MFN2: variants seen among roughly 807,000 people sequenced by gnomAD.
MFN2 encodes mitofusin 2, also known as mitofusin-2.
In MFN2, 43 loss-of-function variants were observed where a neutral mutation model predicts 87.5. The observed-to-expected ratio is 0.49, with a 90% CI of 0.38 to 0.63. The LOEUF is 0.63. MFN2 is among the 30% of genes least tolerant of loss of function. The pLI is 0.00. For missense variants in MFN2, 743 were observed against 972.8 expected (o/e 0.76, Z 3.14); for synonymous variants, 337 against 359.9 (o/e 0.94, Z 0.72).
Position 12,004,734 on chromosome 1 carries a change from T to A in MFN2, c.1393-91T>A, listed in dbSNP as rs1328661128. 2.0e-6 allele frequency: 3 copies of A among 1,503,478 alleles called. No individual in the cohort carries two copies. In the African/African-American group the frequency reaches 4.1e-5, roughly 21 times the overall value. The allele number at this position is 1,503,478 out of a possible 1,614,324, so 93.1% of individuals were successfully genotyped here. A position where few individuals can be genotyped will look rare whatever the true frequency, so the allele number is the denominator to read the frequency against. On this transcript the variant is annotated intron_variant, in intron 13 of 18. Transcript: ENST00000235329. The surrounding 1 kb of genome is among the most constrained non-coding windows in gnomAD (Gnocchi z 4.2). ...GAAGCCACAGAGACAAGGCCCAGGCTTCCGTCAGCCTTCTGGGGTCACCTG... is the reference window on the plus strand; with the variant it reads ...GAAGCCACAGAGACAAGGCCCAGGCATCCGTCAGCCTTCTGGGGTCACCTG...
At chr1:12,011,068 C>T (rs1386914584) in intron 18 of MFN2, among the ~76,000 whole-genome samples, 1 of 152,150 alleles carries the variant, frequency 6.6e-6, no homozygotes, top group East Asian at 1.9e-4. Context: ...TTCCTAGGGA[C>T]ACACTGCTTG....
chr1:11,993,457 C>T (rs902983041), intron 4 of MFN2, among the ~76,000 whole-genome samples: 22 of 152,092 alleles, frequency 1.4e-4, no homozygotes, highest in East Asian at 5.8e-4. Flanking sequence ...AAAAATATGC[C>T]GGGCATGGTG....
chr1:11,990,695 C>T (rs1638638305), intron 3 of MFN2, among the ~76,000 whole-genome samples: 1 of 152,212 alleles, frequency 6.6e-6, no homozygotes, highest in African/African-American at 2.4e-5. Flanking sequence ...CCTGCCTGGG[C>T]ACTGTTTCTA....
At chr1:12,007,310 CCTTCCCCATCTCT>C in intron 17 of MFN2, 61 bp downstream of exon 17, 3 of 1,570,048 alleles carry the variant, frequency 1.9e-6, no homozygotes, top group Non-Finnish European at 2.6e-6. Context: ...GCCCCATCTC[CCTTCCCCATCTCT>C]CTTCCCACGT....
chr1:11,982,654 T>C (rs931336263), intron 2 of MFN2: 1 of 152,194 alleles, frequency 6.6e-6, no homozygotes, highest in Admixed American at 6.5e-5. Context: ...CAGTGAATTT[T>C]GCTACTGCTG....
At chr1:11,984,018 A>G (rs1174561768) in intron 2 of MFN2, among the ~76,000 whole-genome samples, 1 of 152,188 alleles carries the variant, frequency 6.6e-6, no homozygotes, top group Non-Finnish European at 1.5e-5. Flanking sequence ...GCTGGGTATT[A>G]GTGAGAGCAG....
chr1:12,001,691 T>C (rs1245617585), intron 9 of MFN2, 78 bp from the exon 10 acceptor site: 1 of 1,601,568 alleles, frequency 6.2e-7, no homozygotes, highest in Non-Finnish European at 8.6e-7. Context: ...CTTTAGCCAG[T>C]GGCTTGGTTT....
intron 3 of MFN2, 115 bp from the exon 4 acceptor site, chr1:11,992,440 G>A: frequency 7.6e-7 from 1 of 1,307,962 alleles, no homozygotes; most frequent in Non-Finnish European, 1.1e-6. Flanking sequence ...CGGCTGCAGG[G>A]TGCCAGAGGT....
chr1:11,988,851 C>G (rs1638544681), intron 2 of MFN2, among the ~76,000 whole-genome samples: 1 of 152,008 alleles, frequency 6.6e-6, no homozygotes. Context: ...CAGGTGTGTG[C>G]CATTGGGTCT....
chr1:11,995,030 C>T (rs1274737614), intron 4 of MFN2, among the ~76,000 whole-genome samples: 3 of 151,040 alleles, frequency 2.0e-5, no homozygotes, highest in Non-Finnish European at 4.4e-5. Context: ...TTGCTTGAGC[C>T]CAGGAGTTTG....
At position 12,011,588 on chromosome 1, in the gene MFN2, C is replaced by T. The variant is rs762707869; in HGVS notation, c.*23C>T. On this transcript the variant is annotated 3_prime_UTR_variant, in exon 19 of 19. Transcript: ENST00000235329. ...TAGTGGGCACCTGAGGCGGAGTCTG[C>T]GTGGAGAGGGGCGGTGCTGCCAGCC... is the stretch of plus-strand genomic sequence containing the variant. 19 of 1,612,680 alleles carry T rather than the reference C, an allele frequency of 1.2e-5. No individual in the cohort carries two copies. The highest frequency in any genetic ancestry group is 4.0e-5 in the African/African-American group (3 of 74,848).
chr1:11,986,041 G>T (rs958106696), intron 2 of MFN2, among the ~76,000 whole-genome samples: 2 of 152,170 alleles, frequency 1.3e-5, no homozygotes, highest in African/African-American at 4.8e-5. Flanking sequence ...CGGAAGTGGG[G>T]TCACTTCCTT....
At position 12,012,789 on chromosome 1, in the gene MFN2, C is replaced by G. The variant is rs545270206; in HGVS notation, c.*1224C>G. Reference sequence around the variant, plus strand: ...TACTGGTTGAAGTGGGGGCAGATGCCTGTCACCAAGGTGTTGACTGTGTGA... The same window carrying G: ...TACTGGTTGAAGTGGGGGCAGATGCGTGTCACCAAGGTGTTGACTGTGTGA... On this transcript the variant is annotated 3_prime_UTR_variant, in exon 19 of 19. Coordinates refer to ENST00000235329, the MANE Select transcript of MFN2 (RefSeq NM_014874.4). 2.0e-5 allele frequency: 3 copies of G among 152,572 alleles called. No homozygotes were observed. The highest frequency in any genetic ancestry group is 7.2e-5 in the African/African-American group (3 of 41,458). 9.5% of individuals were successfully genotyped at this position (152,572 alleles called of 1,614,324 possible).
In MFN2 at chr1:11,999,087, A is replaced by C. The variant is rs748318825; in HGVS notation, c.808A>C (p.Met270Leu). 1 of 1,614,140 alleles carries C rather than the reference A, an allele frequency of 6.2e-7. No homozygotes were observed. Among genetic ancestry groups the C allele is most frequent in the Non-Finnish European group, 8.5e-7 (1 of 1,179,972 alleles). ...TGCATCTGCCTCAGAGCCCGAGTAC[A>C]TGGAGGAGGTTCGTGCTTCTGTTTG... ...WDASASEPEY[M>L]EEVRRQHMER... is the part of the protein sequence containing the mutation. Residue 270 changes from methionine (M) to leucine (L), a missense_variant, in exon 8 of 19, where the codon ATG becomes CTG. Around this residue, in one of 3 missense-constraint regions of MFN2, gnomAD observed 571 missense variants for 670.7 expected, o/e 0.85. Transcript: ENST00000235329.
intron 2 of MFN2, among the ~76,000 whole-genome samples, chr1:11,986,737 C>T (rs1279442917): frequency 9.2e-5 from 14 of 151,866 alleles, no homozygotes; most frequent in Non-Finnish European, 2.1e-4. Flanking sequence ...ATTACAGGTG[C>T]CTGCCACCAT....
chr1:12,011,661 CT>C lies in MFN2; in HGVS notation c.*97del, dbSNP rs1438816885. The C allele has an allele frequency of 3.1e-6, 4 of 1,293,442 alleles. No individual in the cohort carries two copies. Among genetic ancestry groups the C allele is most frequent in the South Asian group, 2.4e-5 (2 of 84,084 alleles). 80.1% of individuals were successfully genotyped at this position (1,293,442 alleles called of 1,614,324 possible). On this transcript the variant is annotated 3_prime_UTR_variant, in exon 19 of 19. Transcript: ENST00000235329. ...CAGGGGCACGTGTGGCTCCTGCCCCCTGGCCACTGCCAAGAGAATGAAGCAC... is the reference window on the plus strand; with the variant it reads ...CAGGGGCACGTGTGGCTCCTGCCCCCGGCCACTGCCAAGAGAATGAAGCAC...
Position 11,996,252 on chromosome 1 carries a change from A to T in MFN2, c.408A>T (p.Val136=), listed in dbSNP as rs78814413. The T allele has an allele frequency of 1.9e-3, 3,056 of 1,614,220 alleles. 57 individuals are homozygous for T. The East Asian group carries it at 0.036, about 19-fold the overall frequency. The change falls in exon 5 of 19, where the codon GTA becomes GTT. Residue 136 remains valine (V), a synonymous_variant. Coordinates refer to ENST00000235329, the MANE Select transcript of MFN2 (RefSeq NM_014874.4). ...ACACCACCAATTGCTTCCTGCGGGT[A>T]GAGGGCACAGATGGCCATGAGGCCT... ...IGHTTNCFLR[V]EGTDGHEAFL... is the part of the protein sequence containing the mutation.
At chr1:11,999,796 CA>C (rs1639091560) in intron 8 of MFN2, among the ~76,000 whole-genome samples, 1 of 149,598 alleles carries the variant, frequency 6.7e-6, no homozygotes, top group Non-Finnish European at 1.5e-5. Context: ...ACGCCATCTC[CA>C]AAAAAATAAA....
intron 16 of MFN2, 61 bp from the exon 17 acceptor site, chr1:12,006,992 G>A: frequency 1.2e-6 from 2 of 1,600,204 alleles, no homozygotes; most frequent in Non-Finnish European, 1.7e-6. Flanking sequence ...GGTAGTGATG[G>A]GCCCCAGAGG....
Sources: gnomAD v4.1 joint callset for allele counts (sites outside exome capture counted in the v4.1 genomes callset) on GRCh38, gnomAD v4.1.1 for gene constraint, gnomAD v4.1.1 regional missense constraint, Gnocchi (gnomAD v3.1) non-coding constraint, MANE v1.5 for transcripts, NCBI Gene and HGNC (gene_info 2026-07-23, HGNC 2026-07-21) for gene names.